Variants in KDM4B observed in about 807,000 individuals in gnomAD.
KDM4B encodes lysine-specific demethylase 4B.
In KDM4B, 32 loss-of-function variants were observed where a neutral mutation model predicts 125.2. That is an observed-to-expected ratio of 0.26 (90% CI 0.19 to 0.34). The LOEUF is 0.34. Ranked by LOEUF, KDM4B falls within the 10% of genes least tolerant of loss-of-function variation. The pLI, the probability that KDM4B is intolerant of heterozygous loss-of-function variation, is 1.00. For synonymous variants in KDM4B, 721 were observed against 677.9 expected, an observed-to-expected ratio of 1.06 and a Z score of -0.99; for missense variants, 1,190 against 1,577.7, an observed-to-expected ratio of 0.75 and a Z score of 4.16.
chr19:5,124,248 C>T (rs903572226), intron 11 of KDM4B, among the ~76,000 whole-genome samples: 2 of 150,858 alleles, frequency 1.3e-5, no homozygotes, highest in Non-Finnish European at 2.9e-5. Flanking sequence ...CCTTGATGGA[C>T]CCTTCAGGAG....
Position 5,150,499 on chromosome 19 carries a change from G to A in KDM4B, c.3114+49G>A, listed in dbSNP as rs1034767478. On this transcript the variant is annotated intron_variant, in intron 22 of 22. Coordinates refer to ENST00000159111, the MANE Select transcript of KDM4B (RefSeq NM_015015.3). ...TGGCTCCGGGTGACTCAGGGAGCCC[G>A]TCTGGGACGAGGCAGGGCACAGACT... is the stretch of plus-strand genomic sequence containing the variant. 2.0e-5 allele frequency: 27 copies of A among 1,357,590 alleles called. 1 individual carries two copies. The highest frequency in any genetic ancestry group is 1.1e-4 in the South Asian group (9 of 79,832). The allele number at this position is 1,357,590 out of a possible 1,614,324, so 84.1% of individuals were successfully genotyped here.
At chr19:5,131,807 CGAGCCCCTGTGTGGCTCCGAGG>C in intron 12 of KDM4B, 58 bp from the exon 13 acceptor site, 18 of 1,575,018 alleles carry the variant, frequency 1.1e-5, no homozygotes, top group Non-Finnish European at 1.5e-5. Flanking sequence ...TCAGGCACGC[CGAGCCCCTGTGTGGCTCCGAGG>C]GAGCCCCACC....
intron 1 of KDM4B, among the ~76,000 whole-genome samples, chr19:5,005,720 C>T (rs1036277629): frequency 5.3e-5 from 8 of 152,178 alleles, no homozygotes; most frequent in African/African-American, 1.9e-4. Context: ...TGTCCTCACC[C>T]AGGACGTCCC....
At chr19:4,996,678 G>A (rs971361584) in intron 1 of KDM4B, among the ~76,000 whole-genome samples, 1 of 152,194 alleles carries the variant, frequency 6.6e-6, no homozygotes, top group Non-Finnish European at 1.5e-5. Context: ...CAGTCATTGT[G>A]TTGGGGACAG....
chr19:5,114,696 T>C lies in KDM4B; in HGVS notation c.1115+3878T>C, dbSNP rs2039221499. Among the ~76,000 whole-genome samples the C allele has an allele frequency of 2.0e-5, 3 of 152,088 alleles. No homozygotes were observed. The highest frequency in any genetic ancestry group is 4.1e-4 in the South Asian group (2 of 4,828). On this transcript the variant is annotated intron_variant, in intron 10 of 22. Transcript: ENST00000159111. This position sits in a 1 kb window ranked among gnomAD's most constrained non-coding sequence, Gnocchi z 5.8. ...GTCGGGGGTGGGCGGCTCTGAGGGC[T>C]CAGCCTGGGGCCAGCCTCCCAGTCC...
At chr19:5,062,775 G>GT (rs34134889) in intron 6 of KDM4B, among the ~76,000 whole-genome samples, 29,798 of 89,822 alleles carry the variant, frequency 0.33, 6,468 homozygotes, top group East Asian at 0.77. Flanking sequence ...TAATTAAACT[G>GT]TTTTTTTTTT....
Position 4,997,258 on chromosome 19 carries a change from G to A in KDM4B, c.-108-18999G>A, listed in dbSNP as rs148085668. 1.3e-5 allele frequency among the ~76,000 whole-genome samples: 2 copies of A among 152,140 alleles called. No individual in the cohort carries two copies. The highest frequency in any genetic ancestry group is 3.9e-4 in the East Asian group (2 of 5,174). On this transcript the variant is annotated intron_variant, in intron 1 of 22. Coordinates refer to ENST00000159111, the MANE Select transcript of KDM4B (RefSeq NM_015015.3). This position sits in a 1 kb window ranked among gnomAD's most constrained non-coding sequence, Gnocchi z 4.2. ...CTCACTTATCTTTAGTTTTATTTTT[G>A]GTGCGTTGTTACATAGGATGTTTTC...
chr19:5,037,143 A>G (rs1262743407), intron 3 of KDM4B, among the ~76,000 whole-genome samples: 2 of 152,198 alleles, frequency 1.3e-5, no homozygotes, highest in African/African-American at 4.8e-5. Flanking sequence ...AGTTTCCTCT[A>G]ATAGCACTGA....
intron 6 of KDM4B, among the ~76,000 whole-genome samples, chr19:5,053,801 A>G (rs534558551): frequency 1.2e-3 from 189 of 152,358 alleles, no homozygotes; most frequent in Middle Eastern, 3.4e-3. Context: ...AGTAGTTGCC[A>G]CCAGCCCAGA....
At chr19:5,058,145 C>A (rs1349136171) in intron 6 of KDM4B, among the ~76,000 whole-genome samples, 4 of 152,248 alleles carry the variant, frequency 2.6e-5, no homozygotes, top group African/African-American at 9.6e-5. Context: ...GCAGGTGAGA[C>A]TTCTCTTTCC....
At chr19:4,982,016 T>G (rs1310716348) in intron 1 of KDM4B, among the ~76,000 whole-genome samples, 1 of 152,118 alleles carries the variant, frequency 6.6e-6, no homozygotes, top group Non-Finnish European at 1.5e-5. Flanking sequence ...AAGAGCCAGG[T>G]GCAGTGGCTC....
At chr19:5,137,565 G>GGCTCCCCACACAC in intron 16 of KDM4B, 56 bp from the exon 17 acceptor site, 1 of 1,525,584 alleles carries the variant, frequency 6.6e-7, no homozygotes, top group Non-Finnish European at 8.9e-7. Context: ...GCCCCAAGCA[G>GGCTCCCCACACAC]TGTGTGGGGA....
intron 1 of KDM4B, among the ~76,000 whole-genome samples, chr19:4,985,840 G>A (rs1470530935): frequency 6.6e-6 from 1 of 152,210 alleles, no homozygotes; most frequent in Admixed American, 6.5e-5. Context: ...GCCTGGGAGC[G>A]CGGATTGGGA....
In KDM4B at chr19:5,118,143, G is replaced by A. The variant is rs529468670; in HGVS notation, c.1116-1510G>A. ...TCCTGGTAACAGAAGCCCCGGCAGCGGGCCCACCCCACCCCTGTCAGATGA... is the reference window on the plus strand; with the variant it reads ...TCCTGGTAACAGAAGCCCCGGCAGCAGGCCCACCCCACCCCTGTCAGATGA... On this transcript the variant is annotated intron_variant, in intron 10 of 22. Transcript: ENST00000159111. Among the ~76,000 whole-genome samples, 7 of 152,254 alleles carry A rather than the reference G, an allele frequency of 4.6e-5. No homozygotes were observed. The East Asian group carries it at 7.7e-4, about 17-fold the overall frequency.
rs527419098 is a variant in KDM4B at position 5,151,677 on chromosome 19, G to A, written c.*166G>A. ...CAGGAGCCAGCGGGACGCCGCACGC[G>A]GCCCCAGACTCAGGGAGCAGGGCCA... On this transcript the variant is annotated 3_prime_UTR_variant, in exon 23 of 23. Transcript: ENST00000159111. The A allele has an allele frequency of 1.1e-4, 58 of 527,502 alleles. No individual in the cohort carries two copies. The highest frequency in any genetic ancestry group is 7.8e-4 in the African/African-American group (40 of 50,972). 32.7% of individuals were successfully genotyped at this position (527,502 alleles called of 1,614,324 possible). A position where few individuals can be genotyped will look rare whatever the true frequency, so the allele number is the denominator to read the frequency against.
rs2146129111 is a variant in KDM4B, at chr19:5,151,863, C to G, written c.*352C>G. ...ATAAACCACCTTTGTGAGGCTCTTT[C>G]TATAAATACATATTGTTTAAAAAAA... On this transcript the variant is annotated 3_prime_UTR_variant, in exon 23 of 23. Coordinates refer to ENST00000159111, the MANE Select transcript of KDM4B (RefSeq NM_015015.3). The G allele has an allele frequency of 4.1e-6, 1 of 241,246 alleles. No individual in the cohort carries two copies. The highest frequency in any genetic ancestry group is 7.7e-5 in the East Asian group (1 of 13,028). 14.9% of individuals were successfully genotyped at this position (241,246 alleles called of 1,614,324 possible).
At chr19:5,005,802 C>T (rs1460409887) in intron 1 of KDM4B, among the ~76,000 whole-genome samples, 1 of 152,164 alleles carries the variant, frequency 6.6e-6, no homozygotes, top group East Asian at 1.9e-4. Flanking sequence ...GGCTGCCTCG[C>T]CACACAGCTG....
chr19:5,023,810 C>T (rs2036198014), intron 2 of KDM4B, among the ~76,000 whole-genome samples: 1 of 123,138 alleles, frequency 8.1e-6, no homozygotes, highest in African/African-American at 3.2e-5. Flanking sequence ...CTGTCCCTGG[C>T]TGGAGTACAG....
intron 6 of KDM4B, among the ~76,000 whole-genome samples, chr19:5,069,947 AG>A (rs1209757153): frequency 6.6e-6 from 1 of 152,106 alleles, no homozygotes; most frequent in Non-Finnish European, 1.5e-5. Flanking sequence ...TTCAGCTGGA[AG>A]GGGCTGTAGT....
Sources: allele counts gnomAD v4.1 joint callset (sites outside exome capture counted in the v4.1 genomes callset), GRCh38; gene constraint gnomAD v4.1.1; non-coding constraint Gnocchi (gnomAD v3.1); transcripts MANE v1.5; gene names NCBI Gene and HGNC (gene_info 2026-07-23, HGNC 2026-07-21).